The following KCNJ10 variants were observed in gnomAD, a reference collection of about 807,000 sequenced individuals.
KCNJ10 encodes the protein ATP-sensitive inward rectifier potassium channel 10.
In KCNJ10, 9 loss-of-function variants were observed where a neutral mutation model predicts 22.2. The ratio of observed to expected loss-of-function variants is 0.40; its 90% CI spans 0.24 to 0.71. KCNJ10 has a LOEUF of 0.71. Among genes scored for constraint, KCNJ10 ranks in the 30% least tolerant of loss-of-function variants. The pLI, the probability that KCNJ10 is intolerant of heterozygous loss-of-function variation, is 0.35. For synonymous variants in KCNJ10, 184 were observed against 187.3 expected (o/e 0.98, Z 0.15); for missense variants, 337 against 482.7 (o/e 0.70, Z 2.83).
rs1221912639 is a variant in KCNJ10, at chr1:160,042,166, G to C, written c.367C>G (p.Leu123Val). Residue 123 changes from leucine to valine, a missense_variant, in exon 2 of 2, where the codon CTT (leucine) becomes GTT (valine). Coordinates refer to ENST00000644903, the MANE Select transcript of KCNJ10 (RefSeq NM_002241.5). ...HTLTGAFLFS[L>V]ESQTTIGYGF... is the part of the protein sequence containing the mutation. ...TAGCCAATGGTGGTTTGGGATTCAA[G>C]GGAGAAGAGGAAGGCTCCAGTGAGT... The C allele has an allele frequency of 1.9e-6, 3 of 1,593,618 alleles. No individual in the cohort carries two copies. The highest frequency in any genetic ancestry group is 2.6e-6 in the Non-Finnish European group (3 of 1,167,350).
chr1:160,047,387 C>A (rs1648767605), intron 1 of KCNJ10, among the ~76,000 whole-genome samples: 2 of 152,222 alleles, frequency 1.3e-5, no homozygotes, highest in Non-Finnish European at 2.9e-5. Flanking sequence ...GCTGCACCAG[C>A]AGGGAAAGTG....
chr1:160,061,673 G>A (rs903268948), intron 1 of KCNJ10, among the ~76,000 whole-genome samples: 4 of 147,818 alleles, frequency 2.7e-5, no homozygotes, highest in African/African-American at 9.9e-5. Flanking sequence ...CAGTGTCAGA[G>A]CAGCAGAGGG....
intron 1 of KCNJ10, among the ~76,000 whole-genome samples, chr1:160,061,765 G>T (rs1649199565): frequency 1.4e-5 from 2 of 144,286 alleles, no homozygotes; most frequent in African/African-American, 5.2e-5. Flanking sequence ...GGGGGGTGGG[G>T]TGGAGGGAGG....
intron 1 of KCNJ10, among the ~76,000 whole-genome samples, chr1:160,046,365 T>G (rs903311618): frequency 1.3e-5 from 2 of 152,210 alleles, no homozygotes; most frequent in Non-Finnish European, 2.9e-5. Context: ...AGTGGTAAAG[T>G]TGGAACCAGA....
At chr1:160,066,820 C>T (rs1571277456) in intron 1 of KCNJ10, among the ~76,000 whole-genome samples, 1 of 152,166 alleles carries the variant, frequency 6.6e-6, no homozygotes, top group Admixed American at 6.5e-5. Flanking sequence ...TAAGGATGGG[C>T]TTCTGTGTTT....
intron 1 of KCNJ10, among the ~76,000 whole-genome samples, chr1:160,058,714 A>G (rs1400372603): frequency 1.3e-5 from 2 of 152,022 alleles, no homozygotes; most frequent in African/African-American, 4.8e-5. Context: ...GTCCTTTATG[A>G]CCTGGTCTCT....
intron 1 of KCNJ10, among the ~76,000 whole-genome samples, chr1:160,044,252 C>G (rs1648685153): frequency 1.3e-5 from 2 of 152,194 alleles, no homozygotes; most frequent in Admixed American, 6.5e-5. Flanking sequence ...ACCTGGATGT[C>G]ATTCACTCCC....
At chr1:160,043,199 C>A (rs1285740734) in intron 1 of KCNJ10, among the ~76,000 whole-genome samples, 1 of 151,420 alleles carries the variant, frequency 6.6e-6, no homozygotes, top group East Asian at 1.9e-4. Flanking sequence ...TAGGATCCAT[C>A]CCCACCCTTA....
chr1:160,068,263 C>A (rs1251158271), intron 1 of KCNJ10, among the ~76,000 whole-genome samples: 2 of 141,168 alleles, frequency 1.4e-5, no homozygotes, highest in Non-Finnish European at 3.1e-5. Context: ...CATAACCCTG[C>A]TACCCCTGCC....
rs762579222 is a variant in KCNJ10 at position 160,041,809 on chromosome 1, T to A, written c.724A>T (p.Thr242Ser). 6.2e-7 allele frequency: 1 copy of A among 1,614,228 alleles called. No individual in the cohort carries two copies. Among genetic ancestry groups the A allele is most frequent in the Non-Finnish European group, 8.5e-7 (1 of 1,180,028 alleles). ...NQVNVTFQVD[T>S]ASDSPFLILP... ...ATAAGGAAGGGGCTGTCAGAGGCTG[T>A]GTCTACTTGGAAAGTCACATTGACC... Residue 242 changes from threonine (T) to serine (S), a missense_variant, in exon 2 of 2, where the codon ACA becomes TCA. Physicochemically the swap from Thr to Ser is moderately conservative, Grantham distance 58. Around this residue, in one of 3 missense-constraint regions of KCNJ10, gnomAD observed 165 missense variants for 281.5 expected, o/e 0.59. Transcript: ENST00000644903. The surrounding 1 kb of genome is among the most constrained non-coding windows in gnomAD (Gnocchi z 4.4).
rs553095280 is a variant in KCNJ10, at chr1:160,068,519, A to G, written c.-1+1503T>C. Reference sequence around the variant, plus strand: ...AGGACTGGGGGAAGGCAGCGGGGAAAGGAGTTGGCACTGCCTGGGCCGTGC... The same window carrying G: ...AGGACTGGGGGAAGGCAGCGGGGAAGGGAGTTGGCACTGCCTGGGCCGTGC... On this transcript the variant is annotated intron_variant, in intron 1 of 1. Transcript: ENST00000644903. Among the ~76,000 whole-genome samples, 17 of 152,234 alleles carry G rather than the reference A, an allele frequency of 1.1e-4. 1 individual carries two copies. The East Asian group carries it at 3.3e-3, about 29-fold the overall frequency.
At chr1:160,064,558 T>G (rs916744262) in intron 1 of KCNJ10, among the ~76,000 whole-genome samples, 7 of 152,240 alleles carry the variant, frequency 4.6e-5, no homozygotes, top group Non-Finnish European at 1.0e-4. Flanking sequence ...CAGTGTTCAT[T>G]TCTAACACAG....
At chr1:160,064,269 C>A (rs1649264354) in intron 1 of KCNJ10, among the ~76,000 whole-genome samples, 1 of 152,214 alleles carries the variant, frequency 6.6e-6, no homozygotes, top group African/African-American at 2.4e-5. Context: ...CATAATAATG[C>A]TAACAATACA....
intron 1 of KCNJ10, among the ~76,000 whole-genome samples, chr1:160,056,142 C>A (rs1557972201): frequency 6.6e-6 from 1 of 152,102 alleles, no homozygotes; most frequent in Non-Finnish European, 1.5e-5. Flanking sequence ...TCCATGGAGG[C>A]TGCCCTAGTT....
chr1:160,058,207 C>T (rs1312467117), intron 1 of KCNJ10, among the ~76,000 whole-genome samples: 1 of 152,206 alleles, frequency 6.6e-6, no homozygotes, highest in African/African-American at 2.4e-5. Context: ...CCCACTTCAT[C>T]CTTCGGAAGT....
Position 160,040,771 on chromosome 1 carries a change from C to T in KCNJ10, c.*622G>A. 2.5e-6 allele frequency: 1 copy of T among 398,424 alleles called. No individual in the cohort carries two copies. The allele number at this position is 398,424 out of a possible 1,614,324, so 24.7% of individuals were successfully genotyped here. A position where few individuals can be genotyped will look rare whatever the true frequency, so the allele number is the denominator to read the frequency against. ...GAACTGGGTATCCTGAGAGTGTTCACTTGAGAAACTACAGAGGGAAAACAG... is the reference window on the plus strand; with the variant it reads ...GAACTGGGTATCCTGAGAGTGTTCATTTGAGAAACTACAGAGGGAAAACAG... On this transcript the variant is annotated 3_prime_UTR_variant, in exon 2 of 2. Transcript: ENST00000644903.
intron 1 of KCNJ10, chr1:160,068,000 C>T (rs1416783690): frequency 2.0e-5 from 3 of 152,188 alleles, no homozygotes; most frequent in Non-Finnish European, 2.9e-5. Context: ...TTCCTTGTAG[C>T]TCAAGCCAAC....
chr1:160,043,233 G>A (rs1648653040), intron 1 of KCNJ10, among the ~76,000 whole-genome samples: 2 of 146,724 alleles, frequency 1.4e-5, no homozygotes, highest in African/African-American at 5.0e-5. Context: ...AGCAAGACAA[G>A]CTATCCTGTT....
intron 1 of KCNJ10, chr1:160,065,112 C>T (rs1649289702): frequency 6.6e-6 from 1 of 152,182 alleles, no homozygotes; most frequent in Non-Finnish European, 1.5e-5. Context: ...GCTTAGAAGA[C>T]TATAAATTGG....
Sources: allele counts gnomAD v4.1 joint callset (sites outside exome capture counted in the v4.1 genomes callset), GRCh38; gene constraint gnomAD v4.1.1; regional missense constraint gnomAD v4.1.1; non-coding constraint Gnocchi (gnomAD v3.1); transcripts MANE v1.5; gene names NCBI Gene and HGNC (gene_info 2026-07-23, HGNC 2026-07-21).